Variants in GPHN observed in about 807,000 individuals in gnomAD.
GPHN encodes gephyrin.
GPHN carries 17 observed loss-of-function variants against 95.5 expected under a neutral mutation model. That is an observed-to-expected ratio of 0.18 (90% CI 0.12 to 0.27). The LOEUF is 0.27. GPHN is among the 10% of genes least tolerant of loss of function. The pLI is 1.00. For missense variants in GPHN, 660 were observed against 978.1 expected (o/e 0.67, Z 4.34); for synonymous variants, 320 against 322.5 (o/e 0.99, Z 0.08).
In GPHN at chr14:66,899,493, G is replaced by A. The variant is rs529968977; in HGVS notation, c.390-16510G>A. On this transcript the variant is annotated intron_variant, in intron 5 of 22. Transcript: ENST00000478722. ...CATGGATCAGTGTTTGATTTTGTCC[G>A]GTGAATTTCCTGTGTTAATTGATAT... 2.6e-4 allele frequency among the ~76,000 whole-genome samples: 40 copies of A among 151,830 alleles called. No homozygotes were observed. In the South Asian group the frequency reaches 7.7e-3, roughly 29 times the overall value.
the GPHN span, among the ~76,000 whole-genome samples, chr14:67,644,646 G>C: frequency 6.6e-6 from 1 of 152,234 alleles, no homozygotes; most frequent in Non-Finnish European, 1.5e-5. Context: ...CAGAACAGTT[G>C]GCTAATGTAA....
the GPHN span, among the ~76,000 whole-genome samples, chr14:67,623,799 C>T: frequency 6.6e-6 from 1 of 152,084 alleles, no homozygotes; most frequent in Admixed American, 6.6e-5. Context: ...ATCTAGGCCT[C>T]CCAAAGTGCT....
At chr14:66,758,265 C>T (rs2058636908) in intron 2 of GPHN, among the ~76,000 whole-genome samples, 1 of 152,178 alleles carries the variant, frequency 6.6e-6, no homozygotes, top group Admixed American at 6.5e-5. Context: ...CTGTCTTTGG[C>T]TTGAAAGTGG....
chr14:67,154,470 T>A (rs183307711), intron 18 of GPHN, among the ~76,000 whole-genome samples: 25 of 152,334 alleles, frequency 1.6e-4, no homozygotes, highest in South Asian at 6.2e-4. Flanking sequence ...TGTCAGGGAC[T>A]ATGTCTTTCT....
At chr14:67,045,487 G>A (rs1219630111) in intron 10 of GPHN, among the ~76,000 whole-genome samples, 1 of 147,140 alleles carries the variant, frequency 6.8e-6, no homozygotes, top group African/African-American at 2.5e-5. Context: ...GTCTCTCTGT[G>A]TGTGTCTGTC....
At chr14:67,564,376 G>A in the GPHN span, among the ~76,000 whole-genome samples, 298 of 152,306 alleles carry the variant, frequency 2.0e-3, 2 homozygotes, top group South Asian at 6.6e-3. Flanking sequence ...GATCTGGTTG[G>A]TGGCCAAGGG....
the GPHN span, chr14:67,725,941 C>A: frequency 1.2e-6 from 1 of 813,666 alleles, no homozygotes; most frequent in Non-Finnish European, 2.2e-6. Context: ...AAAATGTTAC[C>A]CCAACAAAGA....
At chr14:67,313,098 ACAT>A in the GPHN span, among the ~76,000 whole-genome samples, 1 of 152,218 alleles carries the variant, frequency 6.6e-6, no homozygotes, top group Non-Finnish European at 1.5e-5. Context: ...AGGAAAAGTA[ACAT>A]CATAGAATTT....
the GPHN span, chr14:67,335,663 G>A: frequency 6.6e-6 from 1 of 152,624 alleles, no homozygotes; most frequent in Non-Finnish European, 1.5e-5. Flanking sequence ...AAAATATAAA[G>A]CAGGGATTTA....
At chr14:66,768,081 G>T (rs751036905) in intron 2 of GPHN, among the ~76,000 whole-genome samples, 12 of 151,800 alleles carry the variant, frequency 7.9e-5, no homozygotes, top group Non-Finnish European at 1.6e-4. Context: ...AATATACAAA[G>T]ATTTAGAAAA....
chr14:66,895,959 G>C (rs2064825588), intron 5 of GPHN, among the ~76,000 whole-genome samples: 1 of 152,114 alleles, frequency 6.6e-6, no homozygotes, highest in Non-Finnish European at 1.5e-5. Context: ...ATTGCTTACA[G>C]TTCTGGGGGC....
At chr14:67,534,046 A>T in the GPHN span, among the ~76,000 whole-genome samples, 9 of 152,064 alleles carry the variant, frequency 5.9e-5, no homozygotes, top group African/African-American at 2.2e-4. Flanking sequence ...CTATGAATCC[A>T]CCTCATAAAA....
chr14:66,832,008 A>G (rs2061599262), intron 4 of GPHN, among the ~76,000 whole-genome samples: 1 of 152,070 alleles, frequency 6.6e-6, no homozygotes, highest in African/African-American at 2.4e-5. Flanking sequence ...TTAGCCAGGC[A>G]TGTTGTTGCA....
At chr14:67,018,826 C>T (rs2073447483) in intron 9 of GPHN, among the ~76,000 whole-genome samples, 1 of 152,112 alleles carries the variant, frequency 6.6e-6, no homozygotes, top group Non-Finnish European at 1.5e-5. Context: ...GAGCCACAAT[C>T]TTTATTTTTT....
the GPHN span, among the ~76,000 whole-genome samples, chr14:67,563,109 C>T: frequency 6.6e-6 from 1 of 152,234 alleles, no homozygotes; most frequent in African/African-American, 2.4e-5. Flanking sequence ...CTGTCATTTC[C>T]TGAGTGCTCA....
chr14:67,610,126 AGTC>A, the GPHN span, among the ~76,000 whole-genome samples: 60 of 152,298 alleles, frequency 3.9e-4, no homozygotes, highest in Non-Finnish European at 3.4e-4. Flanking sequence ...CAGAGGCGCC[AGTC>A]TATGGTCCGG....
At chr14:67,549,567 G>A in the GPHN span, among the ~76,000 whole-genome samples, 163 of 152,172 alleles carry the variant, frequency 1.1e-3, no homozygotes, top group African/African-American at 3.6e-3. Flanking sequence ...CACTGCTCCC[G>A]GCCTTAAATT....
intron 1 of GPHN, among the ~76,000 whole-genome samples, chr14:66,592,212 C>G (rs4390568): frequency 5.7e-4 from 86 of 152,030 alleles, no homozygotes; most frequent in Non-Finnish European, 1.1e-3. Flanking sequence ...AGAAGAAAAC[C>G]TAGGCAATAC....
At chr14:66,640,603 A>G (rs1390255552) in intron 1 of GPHN, among the ~76,000 whole-genome samples, 1 of 152,052 alleles carries the variant, frequency 6.6e-6, no homozygotes, top group African/African-American at 2.4e-5. Flanking sequence ...AAGTGCTACT[A>G]GTACTTTTGT....
Sources: allele counts gnomAD v4.1 joint callset (sites outside exome capture counted in the v4.1 genomes callset), GRCh38; gene constraint gnomAD v4.1.1; transcripts MANE v1.5; gene names NCBI Gene and HGNC (gene_info 2026-07-23, HGNC 2026-07-21).